The following TNRC6B variants were observed in gnomAD, a reference collection of about 807,000 sequenced individuals.
TNRC6B encodes trinucleotide repeat-containing gene 6B protein.
TNRC6B carries 52 observed loss-of-function variants against 203.6 expected under a neutral mutation model. That is an observed-to-expected ratio of 0.26 (90% confidence interval 0.20 to 0.32). The LOEUF (loss-of-function observed/expected upper bound fraction) is 0.32, where lower values mean the gene tolerates loss of function less well. Among genes scored for constraint, TNRC6B ranks in the 10% least tolerant of loss-of-function variants. TNRC6B has a pLI of 1.00. For missense variants in TNRC6B, 1,923 were observed against 2,286.2 expected (o/e 0.84, Z 3.24); for synonymous variants, 838 against 845.7 (o/e 0.99, Z 0.16).
intron 1 of TNRC6B, among the ~76,000 whole-genome samples, chr22:40,047,882 G>A (rs1343575574): frequency 2.0e-5 from 3 of 152,294 alleles, no homozygotes; most frequent in Admixed American, 1.3e-4. Context: ...CACAGAAAAC[G>A]TTAGTTGACT....
chr22:40,323,308 T>C lies in TNRC6B; in HGVS notation c.*67T>C. ...CAGCAGCAGCACTAACTTGACCTTT[T>C]CGTTTTTTTTTTCAACTTGCAATAA... On this transcript the variant is annotated 3_prime_UTR_variant, in exon 23 of 23. Transcript: ENST00000454349. 6.7e-7 allele frequency: 1 copy of C among 1,493,318 alleles called. No individual in the cohort carries two copies. The highest frequency in any genetic ancestry group is 2.4e-5 in the Admixed American group (1 of 42,406). 92.5% of individuals were successfully genotyped at this position (1,493,318 alleles called of 1,614,324 possible). A position where few individuals can be genotyped will look rare whatever the true frequency, so the allele number is the denominator to read the frequency against.
At chr22:40,225,280 T>TG (rs1392585044) in intron 1 of TNRC6B, among the ~76,000 whole-genome samples, 1 of 152,112 alleles carries the variant, frequency 6.6e-6, no homozygotes, top group African/African-American at 2.4e-5. Context: ...AAGAAGGTGT[T>TG]GGAGGGGTCC....
intron 3 of TNRC6B, among the ~76,000 whole-genome samples, chr22:40,154,894 TAC>T (rs1448083464): frequency 0.039 from 1,485 of 37,980 alleles, 134 homozygotes; most frequent in African/African-American, 0.12. Flanking sequence ...TATATATATA[TAC>T]ATATATATAT....
In TNRC6B at chr22:40,077,437, C is replaced by T. The variant is rs536512650; in HGVS notation, c.-121+32439C>T. ...GCAAGTCTGGTAGTAGTTGCTTCAT[C>T]GTGGCCTGAAGCAGAAGTTGAGATC... On this transcript the variant is annotated intron_variant, in intron 1 of 23. Coordinates refer to the TNRC6B transcript ENST00000301923. Among the ~76,000 whole-genome samples the T allele has an allele frequency of 3.3e-5, 5 of 152,174 alleles. No homozygotes were observed. The East Asian group carries it at 9.6e-4, about 29-fold the overall frequency.
chr22:40,053,691 G>T (rs184000983), intron 1 of TNRC6B, among the ~76,000 whole-genome samples: 6 of 152,158 alleles, frequency 3.9e-5, no homozygotes, highest in Non-Finnish European at 4.4e-5. Flanking sequence ...TACTGTGTCT[G>T]TCATATCGTA....
intron 1 of TNRC6B, among the ~76,000 whole-genome samples, chr22:40,188,691 A>C (rs1408233302): frequency 6.6e-6 from 1 of 152,202 alleles, no homozygotes. Context: ...TCCCATTTAT[A>C]AACTGAAGTT....
intron 1 of TNRC6B, among the ~76,000 whole-genome samples, chr22:40,081,759 C>T (rs2068065614): frequency 6.6e-6 from 1 of 152,244 alleles, no homozygotes; most frequent in South Asian, 2.1e-4. Context: ...GCCCTCAATA[C>T]ATACTTCCTA....
At chr22:40,058,258 A>G (rs2067817750) in intron 1 of TNRC6B, among the ~76,000 whole-genome samples, 1 of 152,226 alleles carries the variant, frequency 6.6e-6, no homozygotes, top group Non-Finnish European at 1.5e-5. Context: ...CATAAACGGT[A>G]AAAAAGGCTC....
At chr22:40,054,077 C>T (rs912856367) in intron 1 of TNRC6B, among the ~76,000 whole-genome samples, 5 of 152,046 alleles carry the variant, frequency 3.3e-5, no homozygotes, top group African/African-American at 1.2e-4. Flanking sequence ...ATTAGCTGGG[C>T]GTGGTGGTGC....
chr22:40,136,377 G>A (rs2068599526), intron 3 of TNRC6B, among the ~76,000 whole-genome samples: 1 of 143,336 alleles, frequency 7.0e-6, no homozygotes, highest in Admixed American at 7.5e-5. Flanking sequence ...TATCTTGTGT[G>A]TGTGTGTGTG....
At chr22:40,302,358 C>T (rs117747299) in intron 15 of TNRC6B, among the ~76,000 whole-genome samples, 1,670 of 152,222 alleles carry the variant, frequency 0.011, 16 homozygotes, top group Non-Finnish European at 0.019. Context: ...AGTTGGGCCG[C>T]GCGCGGTGAC....
intron 3 of TNRC6B, among the ~76,000 whole-genome samples, chr22:40,129,758 GT>G (rs2068524988): frequency 1.3e-5 from 2 of 152,198 alleles, no homozygotes; most frequent in Admixed American, 6.5e-5. Context: ...GTGTAGGTAT[GT>G]TTTATGTGGT....
rs192071978 is a variant in TNRC6B at position 40,328,445 on chromosome 22, G to A, written c.*5204G>A. On this transcript the variant is annotated 3_prime_UTR_variant, in exon 23 of 23. Coordinates refer to ENST00000454349, the MANE Select transcript of TNRC6B (RefSeq NM_001162501.2). ...GATAAAACTCCTGCCTGAGAATTTG[G>A]AAGCACCTTTATTAACACATATATC... 1.2e-4 allele frequency: 19 copies of A among 152,288 alleles called. No homozygotes were observed. The highest frequency in any genetic ancestry group is 7.2e-4 in the Admixed American group (11 of 15,304). 9.4% of individuals were successfully genotyped at this position (152,288 alleles called of 1,614,324 possible). A position where few individuals can be genotyped will look rare whatever the true frequency, so the allele number is the denominator to read the frequency against.
intron 1 of TNRC6B, among the ~76,000 whole-genome samples, chr22:40,191,819 C>G (rs1267206520): frequency 6.6e-6 from 1 of 152,216 alleles, no homozygotes; most frequent in Non-Finnish European, 1.5e-5. Context: ...GGCACGATCT[C>G]AGCTCACTGC....
chr22:40,054,581 T>G (rs928265862), intron 1 of TNRC6B, among the ~76,000 whole-genome samples: 36 of 152,166 alleles, frequency 2.4e-4, no homozygotes, highest in African/African-American at 8.5e-4. Context: ...AATTTGTATA[T>G]TATATTTCCC....
At chr22:40,278,156 G>A (rs1172020426) in intron 9 of TNRC6B, 112 bp downstream of exon 9, 3 of 821,068 alleles carry the variant, frequency 3.7e-6, no homozygotes, top group Non-Finnish European at 6.2e-6. Flanking sequence ...CATTGATTGA[G>A]CACTTACTCT....
intron 1 of TNRC6B, among the ~76,000 whole-genome samples, chr22:40,093,961 C>T (rs1165297723): frequency 1.3e-5 from 2 of 152,058 alleles, no homozygotes; most frequent in African/African-American, 4.8e-5. Context: ...GTAGAATTGG[C>T]ACTTTTCTAA....
chr22:40,240,131 G>A (rs911833220), intron 1 of TNRC6B, among the ~76,000 whole-genome samples: 2 of 152,086 alleles, frequency 1.3e-5, no homozygotes, highest in African/African-American at 4.8e-5. Context: ...GTGCCCGGCC[G>A]AATATTGGGT....
intron 1 of TNRC6B, among the ~76,000 whole-genome samples, chr22:40,183,945 T>G (rs1439429647): frequency 6.6e-6 from 1 of 152,162 alleles, no homozygotes; most frequent in Non-Finnish European, 1.5e-5. Context: ...TTCACCTGCC[T>G]CGGCCTCCCA....
Sources: gnomAD v4.1 joint callset for allele counts (sites outside exome capture counted in the v4.1 genomes callset) on GRCh38, gnomAD v4.1.1 for gene constraint, MANE v1.5 for transcripts, NCBI Gene and HGNC (gene_info 2026-07-23, HGNC 2026-07-21) for gene names.